LAMTOR4: variants seen among roughly 807,000 people sequenced by gnomAD.
The protein encoded by LAMTOR4 is late endosomal/lysosomal adaptor, MAPK and MTOR activator 4.
In LAMTOR4, 11 loss-of-function variants were observed where a neutral mutation model predicts 13.5. That is an observed-to-expected ratio of 0.82 (90% CI 0.51 to 1.35). LAMTOR4 has a LOEUF of 1.35. LAMTOR4 is among the 40% of genes most tolerant of loss of function. The pLI is 0.00. For synonymous variants in LAMTOR4, 69 were observed against 52.3 expected (o/e 1.32, Z -1.38); for missense variants, 128 against 126.2 (o/e 1.01, Z -0.07).
At chr7:100,150,537 G>A (rs1798667242) in intron 2 of LAMTOR4, among the ~76,000 whole-genome samples, 1 of 152,208 alleles carries the variant, frequency 6.6e-6, no homozygotes, top group Non-Finnish European at 1.5e-5. Context: ...GGATGTAATT[G>A]TGAAGGATCT....
chr7:100,153,338 G>C (rs1172364825), intron 2 of LAMTOR4, 62 bp from the exon 3 acceptor site: 4 of 1,188,968 alleles, frequency 3.4e-6, no homozygotes, highest in East Asian at 4.7e-5. Context: ...GACTGTGCCT[G>C]GAATTCCTTC....
At chr7:100,151,808 C>T (rs1047504331) in intron 2 of LAMTOR4, among the ~76,000 whole-genome samples, 38 of 151,584 alleles carry the variant, frequency 2.5e-4, no homozygotes, top group African/African-American at 6.8e-4. Flanking sequence ...GCAATCCTCC[C>T]GCCTCAGCAT....
chr7:100,153,424 G>A lies in LAMTOR4; in HGVS notation c.109G>A (p.Glu37Lys), dbSNP rs1428607765. 4 of 1,611,236 alleles carry A rather than the reference G, an allele frequency of 2.5e-6. No homozygotes were observed. The highest frequency in any genetic ancestry group is 1.7e-5 in the Admixed American group (1 of 60,010). ...GTCATCTGGGGACCTGGAGAATGAT[G>A]AGCAGGCAGCCAGTGCCATCTCTGA... Reference protein sequence around the residue: ...LASSGDLENDEQAASAISELV... With the variant: ...LASSGDLENDKQAASAISELV... Residue 37 changes from glutamate (E) to lysine (K), a missense_variant, in exon 3 of 4, where the codon GAG (glutamate) becomes AAG (lysine). Glu to Lys is a moderately conservative substitution (Grantham distance 56). Transcript: ENST00000341942.
intron 2 of LAMTOR4, among the ~76,000 whole-genome samples, chr7:100,151,898 C>T (rs1462748765): frequency 1.3e-5 from 2 of 151,394 alleles, no homozygotes; most frequent in Admixed American, 6.6e-5. Flanking sequence ...AGACAGGGGC[C>T]TTGCTATGTT....
intron 2 of LAMTOR4, among the ~76,000 whole-genome samples, chr7:100,150,099 G>A (rs565261736): frequency 6.6e-6 from 1 of 152,204 alleles, no homozygotes; most frequent in South Asian, 2.1e-4. Context: ...TTCTTAAAAA[G>A]GCATTTGTAT....
At chr7:100,148,996 G>A (rs1002896036) in intron 1 of LAMTOR4, 21 bp downstream of exon 1, 2 of 1,607,880 alleles carry the variant, frequency 1.2e-6, no homozygotes, top group Non-Finnish European at 8.5e-7. Context: ...ACGCATGCGC[G>A]AGAGGACCCG....
chr7:100,149,849 C>T (rs571300879), intron 2 of LAMTOR4: 102 of 291,962 alleles, frequency 3.5e-4, no homozygotes, highest in African/African-American at 2.0e-3. Flanking sequence ...GACCTCGGCT[C>T]ACTGCAACCT....
At position 100,153,474 on chromosome 7, in the gene LAMTOR4, C is replaced by G. The variant is rs1200398922; in HGVS notation, c.159C>G (p.Phe53Leu). Residue 53 changes from phenylalanine (F) to leucine (L), a missense_variant, in exon 3 of 4, where the codon TTC (phenylalanine) becomes TTG (leucine). Transcript: ENST00000341942. ...ISELVSTACG[F>L]RLHRGMNVPF... Reference sequence around the variant, plus strand: ...AGCTGGTCAGCACAGCCTGCGGTTTCCGGCTGCACCGCGGCATGAATGTGC... The same window carrying G: ...AGCTGGTCAGCACAGCCTGCGGTTTGCGGCTGCACCGCGGCATGAATGTGC... The G allele has an allele frequency of 2.5e-6, 4 of 1,609,678 alleles. No homozygotes were observed. Among genetic ancestry groups the G allele is most frequent in the South Asian group, 2.2e-5 (2 of 91,092 alleles).
Position 100,153,964 on chromosome 7 carries a change from A to G in LAMTOR4, c.300A>G (p.Ter100TrpextTer?). Residue 100 changes from the stop codon to tryptophan, a stop_lost, in exon 4 of 4, where the codon TGA (stop) becomes TGG (tryptophan). Transcript: ENST00000341942. The stretch of plus-strand genomic sequence containing the variant: ...GAGGTCGGGAGCCCATTGATGTCTG[A>G]GCCTGCCGGAGGGCGAGGGTCGGAG... ...QNRGREPIDV* is the reference protein window; with the variant it reads ...QNRGREPIDVW The G allele has an allele frequency of 6.3e-7, 1 of 1,578,612 alleles. No individual in the cohort carries two copies. Among genetic ancestry groups the G allele is most frequent in the Non-Finnish European group, 8.6e-7 (1 of 1,162,020 alleles).
intron 3 of LAMTOR4, 124 bp from the exon 4 acceptor site, chr7:100,153,743 G>C (rs1798792951): frequency 2.5e-6 from 2 of 787,978 alleles, no homozygotes; most frequent in African/African-American, 1.7e-5. Flanking sequence ...TGGAACTATA[G>C]AACTTCTTTG....
At chr7:100,153,051 T>C (rs1339916970) in intron 2 of LAMTOR4, among the ~76,000 whole-genome samples, 1 of 151,768 alleles carries the variant, frequency 6.6e-6, no homozygotes, top group Non-Finnish European at 1.5e-5. Flanking sequence ...TCTCAGCTAT[T>C]TGGGAGGCTG....
rs1798636037 is a variant in LAMTOR4, at chr7:100,149,555, A to G, written c.60A>G (p.Val20=). ...TCCCAGACCAGCTCGGCTACCTGGT[A>G]CTGAGTGAAGGTGCAGTGCTGGCGG... ...ERIPDQLGYL[V]LSEGAVLASS... is the part of the protein sequence containing the mutation. The change falls in exon 2 of 4, where the codon GTA becomes GTG. Residue 20 remains valine, a synonymous_variant. Transcript: ENST00000341942. The G allele has an allele frequency of 1.6e-5, 26 of 1,613,952 alleles. No individual in the cohort carries two copies. The highest frequency in any genetic ancestry group is 2.2e-5 in the Non-Finnish European group (26 of 1,179,896).
chr7:100,153,832 C>T (rs746809065), intron 3 of LAMTOR4, 35 bp from the exon 4 acceptor site: 6 of 1,464,948 alleles, frequency 4.1e-6, no homozygotes, highest in Non-Finnish European at 5.6e-6. Flanking sequence ...TCCCTTCCCT[C>T]TCCTGGGGCG....
At chr7:100,153,232 GACA>G (rs200247650) in intron 2 of LAMTOR4, among the ~76,000 whole-genome samples, 165 bp from the exon 3 acceptor site, 1,762 of 152,206 alleles carry the variant, frequency 0.012, 20 homozygotes, top group Non-Finnish European at 0.021. Flanking sequence ...TCCGGAGGGT[GACA>G]ACATTATAGG....
At chr7:100,149,047 C>G in intron 1 of LAMTOR4, 72 bp downstream of exon 1, 1 of 1,560,518 alleles carries the variant, frequency 6.4e-7, no homozygotes, top group South Asian at 1.2e-5. Flanking sequence ...TGTGTGGTTT[C>G]CCCCTGGTGG....
At position 100,153,902 on chromosome 7, in the gene LAMTOR4, T is replaced by G; in HGVS notation, c.238T>G (p.Ser80Ala). The change falls in exon 4 of 4, where the codon TCA becomes GCA. Residue 80 changes from serine (S) to alanine (A), a missense_variant. By Grantham distance (99) the Ser-to-Ala change is moderately conservative. Coordinates refer to ENST00000341942, the MANE Select transcript of LAMTOR4 (RefSeq NM_001008395.4). Reference sequence around the variant, plus strand: ...AGAACACACACTGCTGGTGACGGTGTCAGGACAGAGGGTGTTTGTGGTGAA... The same window carrying G: ...AGAACACACACTGCTGGTGACGGTGGCAGGACAGAGGGTGTTTGTGGTGAA... ...FGEHTLLVTVSGQRVFVVKRQ... is the reference protein window; with the variant it reads ...FGEHTLLVTVAGQRVFVVKRQ... 1 of 1,593,382 alleles carries G rather than the reference T, an allele frequency of 6.3e-7. No individual in the cohort carries two copies. Among genetic ancestry groups the G allele is most frequent in the Non-Finnish European group, 8.5e-7 (1 of 1,170,484 alleles).
At chr7:100,149,283 C>G (rs1584608035) in intron 1 of LAMTOR4, 1 of 610,368 alleles carries the variant, frequency 1.6e-6, no homozygotes, top group Non-Finnish European at 2.9e-6. Context: ...ATGTGGAAGG[C>G]CAGGGGAGCC....
intron 2 of LAMTOR4, among the ~76,000 whole-genome samples, chr7:100,150,345 T>C (rs943937614): frequency 2.6e-5 from 4 of 152,206 alleles, no homozygotes; most frequent in Non-Finnish European, 4.4e-5. Flanking sequence ...AAATTCAACA[T>C]GTTATGACAA....
At chr7:100,152,441 G>A (rs531162010) in intron 2 of LAMTOR4, among the ~76,000 whole-genome samples, 1 of 152,126 alleles carries the variant, frequency 6.6e-6, no homozygotes, top group East Asian at 1.9e-4. Context: ...AAAAAGAAGT[G>A]GATTGGGAAG....
Sources: allele counts gnomAD v4.1 joint callset (sites outside exome capture counted in the v4.1 genomes callset), GRCh38; gene constraint gnomAD v4.1.1; transcripts MANE v1.5; gene names NCBI Gene and HGNC (gene_info 2026-07-23, HGNC 2026-07-21).